The following PAG1 variants were observed in gnomAD, a reference collection of about 807,000 sequenced individuals.
The protein encoded by PAG1 is phosphoprotein membrane anchor with glycosphingolipid microdomains 1, also known as phosphoprotein associated with glycosphingolipid-enriched microdomains 1.
Under a neutral mutation model 31.7 loss-of-function variants are expected in PAG1, and 23 were observed. That is an observed-to-expected ratio of 0.73 (90% CI 0.52 to 1.03). The LOEUF (loss-of-function observed/expected upper bound fraction) is 1.03, where lower values mean the gene tolerates loss of function less well. Ranked by LOEUF, PAG1 falls within the 50% of genes least tolerant of loss-of-function variation. The probability of loss-of-function intolerance (pLI) is 0.00; values close to 1 mark genes in which losing one functional copy is unlikely to be tolerated. For synonymous variants in PAG1, 214 were observed against 210.3 expected (o/e 1.02, Z -0.15); for missense variants, 473 against 540.7 (o/e 0.87, Z 1.24).
chr8:81,106,785 T>G (rs1809700080), intron 1 of PAG1, among the ~76,000 whole-genome samples: 2 of 152,146 alleles, frequency 1.3e-5, no homozygotes, highest in Non-Finnish European at 2.9e-5. Flanking sequence ...TTACCCTCCA[T>G]TTTGACTGGA....
intron 8 of PAG1, among the ~76,000 whole-genome samples, chr8:80,979,324 G>C (rs1172956065): frequency 2.0e-5 from 3 of 152,164 alleles, no homozygotes; most frequent in Non-Finnish European, 2.9e-5. Flanking sequence ...GAGCTGCCAG[G>C]GATCAGCAGG....
At chr8:81,018,482 CTTGAA>C (rs1306601275) in intron 3 of PAG1, among the ~76,000 whole-genome samples, 3 of 152,212 alleles carry the variant, frequency 2.0e-5, no homozygotes, top group Non-Finnish European at 4.4e-5. Context: ...TAAATCTCAT[CTTGAA>C]TTGTAGTTCC....
At chr8:81,046,224 G>A (rs941573880) in intron 2 of PAG1, among the ~76,000 whole-genome samples, 1 of 152,236 alleles carries the variant, frequency 6.6e-6, no homozygotes, top group African/African-American at 2.4e-5. Flanking sequence ...GTGCAAGGCA[G>A]TAATATTTGA....
At chr8:81,026,319 G>C (rs570717388) in intron 3 of PAG1, among the ~76,000 whole-genome samples, 2 of 151,604 alleles carry the variant, frequency 1.3e-5, no homozygotes, top group East Asian at 3.9e-4. Context: ...TTGTACTCTA[G>C]CCTGGGCAAC....
chr8:81,076,614 C>T (rs1232599827), intron 1 of PAG1, among the ~76,000 whole-genome samples: 2 of 152,214 alleles, frequency 1.3e-5, no homozygotes, highest in African/African-American at 4.8e-5. Flanking sequence ...CCCCTATCTG[C>T]AAAACAGAAA....
At position 81,087,126 on chromosome 8, in the gene PAG1, C is replaced by T. The variant is rs557788729; in HGVS notation, c.-233-16956G>A. ...TTGGGAGGCCAAGGCGGGCGGATCC[C>T]GAGGTCAGGAGATGGAGACCAGCCT... On this transcript the variant is annotated intron_variant, in intron 1 of 8. Coordinates refer to ENST00000220597, the MANE Select transcript of PAG1 (RefSeq NM_018440.4). Among the ~76,000 whole-genome samples, 13 of 152,172 alleles carry T rather than the reference C, an allele frequency of 8.5e-5. No homozygotes were observed. In the South Asian group the frequency reaches 1.9e-3, roughly 22 times the overall value.
In PAG1 at chr8:81,012,494, T is replaced by G. The variant is rs532112252; in HGVS notation, c.-81+17502A>C. Among the ~76,000 whole-genome samples, 5 of 152,370 alleles carry G rather than the reference T, an allele frequency of 3.3e-5. No individual in the cohort carries two copies. The East Asian group carries it at 9.6e-4, about 29-fold the overall frequency. Reference sequence around the variant, plus strand: ...TGCAACATGCACAGTTCAGTGCCCTTGCCCAGAGTAGGCACCCAGTAAATA... The same window carrying G: ...TGCAACATGCACAGTTCAGTGCCCTGGCCCAGAGTAGGCACCCAGTAAATA... On this transcript the variant is annotated intron_variant, in intron 3 of 8. Coordinates refer to ENST00000220597, the MANE Select transcript of PAG1 (RefSeq NM_018440.4).
chr8:81,036,804 C>T (rs1808468777), intron 2 of PAG1, among the ~76,000 whole-genome samples: 1 of 152,204 alleles, frequency 6.6e-6, no homozygotes, highest in Non-Finnish European at 1.5e-5. Flanking sequence ...CTTTGGCTCA[C>T]ACTTTCAGCC....
chr8:81,095,582 C>T (rs149842265), intron 1 of PAG1, among the ~76,000 whole-genome samples: 337 of 152,274 alleles, frequency 2.2e-3, no homozygotes, highest in Admixed American at 3.3e-3. Context: ...TCACTCCTAA[C>T]GATGTATATA....
intron 3 of PAG1, among the ~76,000 whole-genome samples, chr8:81,025,016 A>G (rs1244015128): frequency 2.0e-5 from 3 of 152,214 alleles, no homozygotes; most frequent in African/African-American, 2.4e-5. Context: ...TCTATCCTCC[A>G]TATTTTACAA....
intron 1 of PAG1, among the ~76,000 whole-genome samples, chr8:81,097,527 G>A (rs1809546380): frequency 6.6e-6 from 1 of 152,088 alleles, no homozygotes; most frequent in Non-Finnish European, 1.5e-5. Flanking sequence ...AGACTTGTGA[G>A]AAAGTTATTG....
chr8:81,059,023 T>C (rs898767022), intron 2 of PAG1, among the ~76,000 whole-genome samples: 1 of 152,186 alleles, frequency 6.6e-6, no homozygotes, highest in Non-Finnish European at 1.5e-5. Context: ...CCTTGGTATC[T>C]GGGGGACTGG....
At chr8:81,103,224 G>A (rs1809637349) in intron 1 of PAG1, among the ~76,000 whole-genome samples, 1 of 151,100 alleles carries the variant, frequency 6.6e-6, no homozygotes, top group Non-Finnish European at 1.5e-5. Flanking sequence ...AATAACCTGT[G>A]GCCCATCAAA....
chr8:80,980,409 C>A, intron 8 of PAG1, 26 bp downstream of exon 8: 1 of 1,398,118 alleles, frequency 7.2e-7, no homozygotes, highest in Non-Finnish European at 1.0e-6. Context: ...TACAGTTTTC[C>A]CTTTTTAAAA....
chr8:81,018,451 T>C (rs1808108436), intron 3 of PAG1, among the ~76,000 whole-genome samples: 1 of 152,216 alleles, frequency 6.6e-6, no homozygotes, highest in Non-Finnish European at 1.5e-5. Flanking sequence ...CATGGCAATA[T>C]GGTTTGGCTG....
intron 1 of PAG1, among the ~76,000 whole-genome samples, chr8:81,092,225 A>G (rs1375930532): frequency 6.6e-6 from 1 of 151,284 alleles, no homozygotes; most frequent in African/African-American, 2.4e-5. Flanking sequence ...AAAAGAAAAA[A>G]AAGAAAAATT....
intron 3 of PAG1, among the ~76,000 whole-genome samples, chr8:81,012,507 C>T (rs1209551894): frequency 6.6e-6 from 1 of 152,218 alleles, no homozygotes; most frequent in Non-Finnish European, 1.5e-5. Context: ...CCAGAGTAGG[C>T]ACCCAGTAAA....
chr8:81,041,219 C>A (rs751805194), intron 2 of PAG1, among the ~76,000 whole-genome samples: 1 of 151,914 alleles, frequency 6.6e-6, no homozygotes, highest in Non-Finnish European at 1.5e-5. Context: ...CTGTCATCAA[C>A]AGGTGTTGCC....
intron 2 of PAG1, among the ~76,000 whole-genome samples, chr8:81,048,850 C>T (rs1193703243): frequency 1.3e-5 from 2 of 152,150 alleles, no homozygotes; most frequent in African/African-American, 4.8e-5. Flanking sequence ...TAAGTCTTTG[C>T]GGCCCAGTGT....
Sources: gnomAD v4.1 joint callset for allele counts (sites outside exome capture counted in the v4.1 genomes callset) on GRCh38, gnomAD v4.1.1 for gene constraint, MANE v1.5 for transcripts, NCBI Gene and HGNC (gene_info 2026-07-23, HGNC 2026-07-21) for gene names.